RAD51B: variants seen among roughly 807,000 people sequenced by gnomAD.
RAD51B encodes the protein RAD51 paralog B.
A neutral mutation model predicts 42.2 loss-of-function variants in RAD51B; 38 were observed. The observed-to-expected ratio is 0.90, with a 90% CI of 0.70 to 1.18. The LOEUF (loss-of-function observed/expected upper bound fraction) is 1.18, where lower values mean the gene tolerates loss of function less well. Among genes scored for constraint, RAD51B ranks in the 50% most tolerant of loss-of-function variants. RAD51B has a pLI of 0.00. For missense variants in RAD51B, 373 were observed against 400.7 expected, an observed-to-expected ratio of 0.93 and a Z score of 0.59; for synonymous variants, 154 against 145.2, an observed-to-expected ratio of 1.06 and a Z score of -0.43.
chr14:68,506,922 C>T (rs1885370163), intron 10 of RAD51B, among the ~76,000 whole-genome samples: 1 of 152,128 alleles, frequency 6.6e-6, no homozygotes. Context: ...AAAAATCTGG[C>T]AACTCCCCAT....
intron 9 of RAD51B, among the ~76,000 whole-genome samples, chr14:68,449,282 A>G (rs1396057857): frequency 6.6e-6 from 1 of 152,224 alleles, no homozygotes; most frequent in African/African-American, 2.4e-5. Context: ...AGAAATTGCT[A>G]ACTCCGTGCA....
At chr14:68,603,975 CAG>C (rs1279666000) in intron 10 of RAD51B, among the ~76,000 whole-genome samples, 3 of 152,250 alleles carry the variant, frequency 2.0e-5, no homozygotes, top group Non-Finnish European at 4.4e-5. Context: ...CCAAATGAAA[CAG>C]AGCTCCAGAA....
At chr14:68,467,542 A>G (rs2086015526) in intron 9 of RAD51B, among the ~76,000 whole-genome samples, 1 of 152,290 alleles carries the variant, frequency 6.6e-6, no homozygotes, top group Non-Finnish European at 1.5e-5. Flanking sequence ...TTAAGAGAAC[A>G]ACTAGAAATA....
At chr14:68,645,899 A>G (rs1223253052) in intron 10 of RAD51B, among the ~76,000 whole-genome samples, 1 of 149,646 alleles carries the variant, frequency 6.7e-6, no homozygotes, top group Non-Finnish European at 1.5e-5. Flanking sequence ...GGTTATTTAC[A>G]TAGGCAAGGA....
chr14:68,346,347 G>A (rs1237628149), intron 8 of RAD51B, among the ~76,000 whole-genome samples: 3 of 152,114 alleles, frequency 2.0e-5, no homozygotes, highest in East Asian at 1.9e-4. Flanking sequence ...TTGTTTTTAA[G>A]CAAAAAAGAT....
At chr14:68,564,020 G>A (rs1226131574) in intron 10 of RAD51B, 12 of 842,828 alleles carry the variant, frequency 1.4e-5, no homozygotes, top group Admixed American at 1.2e-4. Flanking sequence ...AACCTGTTTC[G>A]GAACAGCTGG....
At chr14:68,121,742 G>A (rs1166682650) in intron 7 of RAD51B, among the ~76,000 whole-genome samples, 3 of 152,058 alleles carry the variant, frequency 2.0e-5, no homozygotes, top group Non-Finnish European at 4.4e-5. Flanking sequence ...AAAACCAAGT[G>A]ATTCAACTAA....
chr14:67,950,845 A>G (rs2074430770), intron 7 of RAD51B, among the ~76,000 whole-genome samples: 1 of 152,092 alleles, frequency 6.6e-6, no homozygotes, highest in Non-Finnish European at 1.5e-5. Context: ...AGAGAAATGT[A>G]GAGTTATTAA....
intron 7 of RAD51B, among the ~76,000 whole-genome samples, chr14:68,272,637 AT>A (rs1566775493): frequency 0.078 from 651 of 8,366 alleles, 25 homozygotes; most frequent in African/African-American, 0.28. Flanking sequence ...TAAACACTTT[AT>A]ATATATATAT....
intron 7 of RAD51B, among the ~76,000 whole-genome samples, chr14:68,128,701 G>A (rs929428080): frequency 6.6e-6 from 1 of 152,020 alleles, no homozygotes; most frequent in African/African-American, 2.4e-5. Flanking sequence ...CAAAAAAAAC[G>A]TGAGTGGGGG....
chr14:68,373,015 A>C (rs1320590018), intron 8 of RAD51B, among the ~76,000 whole-genome samples: 1 of 152,232 alleles, frequency 6.6e-6, no homozygotes, highest in African/African-American at 2.4e-5. Context: ...AAGTGTCTCC[A>C]AGCAACACAG....
intron 5 of RAD51B, among the ~76,000 whole-genome samples, chr14:67,880,515 A>G (rs1436487716): frequency 6.6e-6 from 1 of 152,022 alleles, no homozygotes; most frequent in Admixed American, 6.6e-5. Context: ...TTCTAATAAA[A>G]CTCTATTGAC....
chr14:68,111,848 G>A (rs988625127), intron 7 of RAD51B, among the ~76,000 whole-genome samples: 4 of 152,024 alleles, frequency 2.6e-5, no homozygotes, highest in African/African-American at 9.7e-5. Flanking sequence ...ACATTATTAA[G>A]CCTTTGATTT....
intron 8 of RAD51B, among the ~76,000 whole-genome samples, chr14:68,307,899 CAT>C (rs1299064653): frequency 2.6e-5 from 4 of 152,226 alleles, no homozygotes; most frequent in Non-Finnish European, 5.9e-5. Context: ...TCTGGGCTTT[CAT>C]ATTCACGATT....
At chr14:68,479,017 C>T (rs1223370789), downstream of RAD51B, among the ~76,000 whole-genome samples, 1 of 152,152 alleles carries the variant, frequency 6.6e-6, no homozygotes, top group Non-Finnish European at 1.5e-5. Flanking sequence ...ATAGGAAGAG[C>T]ATCTTATTCA....
chr14:67,970,471 A>G (rs1209523158), intron 7 of RAD51B, among the ~76,000 whole-genome samples: 1 of 152,050 alleles, frequency 6.6e-6, no homozygotes, highest in African/African-American at 2.4e-5. Context: ...CTGCTTTTAT[A>G]AAAGTGAGTG....
intron 7 of RAD51B, among the ~76,000 whole-genome samples, chr14:68,159,104 A>G (rs2078579670): frequency 1.3e-5 from 2 of 152,094 alleles, no homozygotes; most frequent in Admixed American, 1.3e-4. Context: ...GGGGCTTAAA[A>G]TGAGTAGCCC....
intron 7 of RAD51B, among the ~76,000 whole-genome samples, chr14:68,107,897 C>T (rs2077400291): frequency 6.6e-6 from 1 of 151,390 alleles, no homozygotes; most frequent in East Asian, 1.9e-4. Flanking sequence ...GAAAGACAGT[C>T]CACAGAAAAG....
At chr14:68,209,043 G>A (rs945359870) in intron 7 of RAD51B, among the ~76,000 whole-genome samples, 1 of 152,184 alleles carries the variant, frequency 6.6e-6, no homozygotes, top group Non-Finnish European at 1.5e-5. Flanking sequence ...CTAGGGTGTA[G>A]CACTTTGCAG....
Sources: allele counts gnomAD v4.1 joint callset (sites outside exome capture counted in the v4.1 genomes callset), GRCh38; gene constraint gnomAD v4.1.1; transcripts MANE v1.5; gene names NCBI Gene and HGNC (gene_info 2026-07-23, HGNC 2026-07-21).